The following PTPRE variants were observed in gnomAD, a reference collection of about 807,000 sequenced individuals.
PTPRE encodes receptor-type tyrosine-protein phosphatase epsilon.
Under a neutral mutation model 102.0 loss-of-function variants are expected in PTPRE, and 51 were observed. The ratio of observed to expected loss-of-function variants is 0.50; its 90% confidence interval spans 0.40 to 0.63. The LOEUF is 0.63. Among genes scored for constraint, PTPRE ranks in the 30% least tolerant of loss-of-function variants. The pLI, the probability that PTPRE is intolerant of heterozygous loss-of-function variation, is 0.00. For synonymous variants in PTPRE, 345 were observed against 348.2 expected, an observed-to-expected ratio of 0.99 and a Z score of 0.10; for missense variants, 752 against 915.1, an observed-to-expected ratio of 0.82 and a Z score of 2.30.
intron 2 of PTPRE, among the ~76,000 whole-genome samples, chr10:127,988,719 A>G (rs1852345888): frequency 6.6e-6 from 1 of 152,220 alleles, no homozygotes; most frequent in African/African-American, 2.4e-5. Context: ...AAGACTCTCT[A>G]TTGGGTACTA....
chr10:127,915,358 T>C (rs1846133073), intron 1 of PTPRE, among the ~76,000 whole-genome samples: 2 of 152,372 alleles, frequency 1.3e-5, no homozygotes, highest in South Asian at 4.1e-4. Flanking sequence ...TCATAAACAG[T>C]TGGACATTTA....
At chr10:128,047,361 G>C (rs61758315) in intron 3 of PTPRE, 29 bp from the exon 4 acceptor site, 2 of 1,608,970 alleles carry the variant, frequency 1.2e-6, no homozygotes, top group Non-Finnish European at 1.7e-6. Flanking sequence ...GTGAGGTCAG[G>C]GGTTAGGGTC....
intron 1 of PTPRE, among the ~76,000 whole-genome samples, chr10:127,960,346 C>A (rs1806034680): frequency 6.6e-6 from 1 of 152,222 alleles, no homozygotes; most frequent in Non-Finnish European, 1.5e-5. Flanking sequence ...AAATGCATAG[C>A]AGCAGACAAA....
At chr10:127,957,134 T>TA (rs1300871354) in intron 1 of PTPRE, among the ~76,000 whole-genome samples, 1 of 152,224 alleles carries the variant, frequency 6.6e-6, no homozygotes, top group Non-Finnish European at 1.5e-5. Context: ...GTATTGTATC[T>TA]AAAAAGTCAT....
chr10:128,062,681 C>G (rs1434226184), intron 9 of PTPRE, among the ~76,000 whole-genome samples: 2 of 152,210 alleles, frequency 1.3e-5, no homozygotes, highest in African/African-American at 4.8e-5. Context: ...TCGTATTGGA[C>G]AGCACCATGC....
At chr10:127,926,183 T>C (rs895543524) in intron 1 of PTPRE, among the ~76,000 whole-genome samples, 5 of 152,210 alleles carry the variant, frequency 3.3e-5, no homozygotes, top group African/African-American at 1.2e-4. Context: ...TGAGGAAATG[T>C]TACTTTATAG....
intron 2 of PTPRE, among the ~76,000 whole-genome samples, chr10:128,012,818 C>A (rs1232094835): frequency 6.6e-6 from 1 of 152,152 alleles, no homozygotes; most frequent in Non-Finnish European, 1.5e-5. Flanking sequence ...GTGTGGTCTC[C>A]CAGTTAGACT....
chr10:128,029,348 C>T (rs916421336), intron 2 of PTPRE, among the ~76,000 whole-genome samples: 1 of 152,190 alleles, frequency 6.6e-6, no homozygotes, highest in Non-Finnish European at 1.5e-5. Context: ...TGTTCTCCAC[C>T]AGCCCTGACC....
chr10:127,931,227 T>G lies in PTPRE; in HGVS notation c.-31+23918T>G, dbSNP rs1309741252. Among the ~76,000 whole-genome samples the G allele has an allele frequency of 2.6e-5, 4 of 152,206 alleles. No homozygotes were observed. In the South Asian group the frequency reaches 6.2e-4, roughly 24 times the overall value. On this transcript the variant is annotated intron_variant, in intron 1 of 20. Coordinates refer to ENST00000254667, the MANE Select transcript of PTPRE (RefSeq NM_006504.6). Reference sequence around the variant, plus strand: ...TTCAGGCCCTTATTTGTATATAAAGTTGTTTATCTCCTTTAATAGTATCTG... The same window carrying G: ...TTCAGGCCCTTATTTGTATATAAAGGTGTTTATCTCCTTTAATAGTATCTG...
At chr10:128,013,000 C>T (rs1456506814) in intron 2 of PTPRE, among the ~76,000 whole-genome samples, 2 of 152,096 alleles carry the variant, frequency 1.3e-5, no homozygotes, top group African/African-American at 2.4e-5. Flanking sequence ...TCATGAGCGC[C>T]GTAGTGCTTC....
In PTPRE at chr10:128,068,234, A is replaced by G; in HGVS notation, c.955A>G (p.Lys319Glu). 6.2e-7 allele frequency: 1 copy of G among 1,614,116 alleles called. No homozygotes were observed. ...TPIGMLKFLK[K>E]VKTLNPVHAG... ...CATTGGGATGCTGAAGTTCCTCAAG[A>G]AAGTAAAGACGCTCAACCCCGTGCA... is the stretch of plus-strand genomic sequence containing the variant. Residue 319 changes from lysine to glutamate, a missense_variant, in exon 12 of 21, where the codon AAA becomes GAA. This residue lies in a region of PTPRE where 636 missense variants were observed against 824.4 expected (regional missense o/e 0.77). Transcript: ENST00000254667.
In PTPRE at chr10:127,944,507, GATGGATGGGTGGATGGATGGATAA is replaced by G. The variant is rs1386127902; in HGVS notation, c.-31+37207_-31+37230del. Among the ~76,000 whole-genome samples, 3 of 149,402 alleles carry G rather than the reference GATGGATGGGTGGATGGATGGATAA, an allele frequency of 2.0e-5. No homozygotes were observed. On this transcript the variant is annotated intron_variant, in intron 1 of 20. Coordinates refer to ENST00000254667, the MANE Select transcript of PTPRE (RefSeq NM_006504.6). The surrounding 1 kb of genome is among the most constrained non-coding windows in gnomAD (Gnocchi z 4.2). ...GGATGGATGGATGGATGGATGGATG[GATGGATGGGTGGATGGATGGATAA>G]ATGGATGGATGGATAAGTGGATGGA... is the stretch of plus-strand genomic sequence containing the variant.
intron 2 of PTPRE, among the ~76,000 whole-genome samples, chr10:128,016,948 C>G (rs1845485267): frequency 6.6e-6 from 1 of 152,200 alleles, no homozygotes; most frequent in East Asian, 1.9e-4. Flanking sequence ...TGAGGTCCCT[C>G]CCACTCCTCC....
chr10:127,929,493 C>T (rs955012590), intron 1 of PTPRE: 2 of 152,112 alleles, frequency 1.3e-5, no homozygotes, highest in Admixed American at 1.3e-4. Context: ...GTACAGAGGA[C>T]ACAAAGATCT....
At chr10:128,024,706 G>T (rs1846167571) in intron 2 of PTPRE, among the ~76,000 whole-genome samples, 1 of 152,228 alleles carries the variant, frequency 6.6e-6, no homozygotes, top group African/African-American at 2.4e-5. Flanking sequence ...CTCAGCATCT[G>T]GGCCTGCCCA....
At chr10:127,969,455 G>T (rs1483655466) in intron 1 of PTPRE, among the ~76,000 whole-genome samples, 2 of 152,102 alleles carry the variant, frequency 1.3e-5, no homozygotes, top group Non-Finnish European at 1.5e-5. Context: ...ATCACTTGAG[G>T]CCAAGAGTCC....
chr10:127,985,857 G>A (rs778098516), intron 2 of PTPRE, among the ~76,000 whole-genome samples: 8 of 151,954 alleles, frequency 5.3e-5, no homozygotes, highest in Admixed American at 1.3e-4. Flanking sequence ...TTGGGAGGCC[G>A]AGGTGGGAGG....
At chr10:128,059,467 G>A (rs1366471448) in intron 7 of PTPRE, among the ~76,000 whole-genome samples, 1 of 152,182 alleles carries the variant, frequency 6.6e-6, no homozygotes, top group Non-Finnish European at 1.5e-5. Flanking sequence ...ATGACCTGGG[G>A]GCTGCCCGGC....
rs918502904 is a variant in PTPRE at position 128,083,491 on chromosome 10, G to A, written c.*585G>A. ...TCCAGGTCTAAAACACACTAGAGTAGCTGGTGACTATAAATAATATTTTAA... is the reference window on the plus strand; with the variant it reads ...TCCAGGTCTAAAACACACTAGAGTAACTGGTGACTATAAATAATATTTTAA... On this transcript the variant is annotated 3_prime_UTR_variant, in exon 21 of 21. Coordinates refer to ENST00000254667, the MANE Select transcript of PTPRE (RefSeq NM_006504.6). 1.1e-4 allele frequency: 17 copies of A among 152,260 alleles called. No homozygotes were observed. The highest frequency in any genetic ancestry group is 4.1e-4 in the African/African-American group (17 of 41,452). 9.4% of individuals were successfully genotyped at this position (152,260 alleles called of 1,614,324 possible).
Sources: allele counts gnomAD v4.1 joint callset (sites outside exome capture counted in the v4.1 genomes callset), GRCh38; gene constraint gnomAD v4.1.1; regional missense constraint gnomAD v4.1.1; non-coding constraint Gnocchi (gnomAD v3.1); transcripts MANE v1.5; gene names NCBI Gene and HGNC (gene_info 2026-07-23, HGNC 2026-07-21).